The following CSMD1 variants were observed in gnomAD, a reference collection of about 807,000 sequenced individuals.
CSMD1 encodes the protein CUB and Sushi multiple domains 1.
CSMD1 carries 213 observed loss-of-function variants against 417.5 expected under a neutral mutation model. That is an observed-to-expected ratio of 0.51 (90% CI 0.46 to 0.57). CSMD1 has a LOEUF of 0.57. Among genes scored for constraint, CSMD1 ranks in the 20% least tolerant of loss-of-function variants. The pLI, the probability that CSMD1 is intolerant of heterozygous loss-of-function variation, is 0.00. For synonymous variants in CSMD1, 2,862 were observed against 1,736.8 expected (o/e 1.65, Z -16.11); for missense variants, 6,923 against 4,529.7 (o/e 1.53, Z -15.17).
At chr8:3,859,802 T>C (rs1455854219) in intron 5 of CSMD1, among the ~76,000 whole-genome samples, 5 of 152,202 alleles carry the variant, frequency 3.3e-5, no homozygotes, top group Admixed American at 2.6e-4. Context: ...CAATGCATCC[T>C]GATTCCGCAG....
intron 5 of CSMD1, among the ~76,000 whole-genome samples, chr8:3,997,409 G>C (rs932123418): frequency 2.2e-5 from 3 of 136,718 alleles, no homozygotes; most frequent in African/African-American, 5.0e-5. Flanking sequence ...TGTGTGTTAA[G>C]TTATTTTGCC....
intron 3 of CSMD1, among the ~76,000 whole-genome samples, chr8:4,109,200 A>G (rs1801725548): frequency 6.6e-6 from 1 of 152,160 alleles, no homozygotes; most frequent in Non-Finnish European, 1.5e-5. Context: ...GCCAGAAAAA[A>G]ATCCTGAATA....
chr8:4,800,576 A>G (rs1269844307), intron 1 of CSMD1, among the ~76,000 whole-genome samples: 1 of 152,256 alleles, frequency 6.6e-6, no homozygotes, highest in East Asian at 1.9e-4. Context: ...TCAGACCGTC[A>G]GAGGCAGAGC....
chr8:4,932,722 G>T lies in CSMD1; in HGVS notation c.85+61610C>A, dbSNP rs187068774. 1.5e-3 allele frequency among the ~76,000 whole-genome samples: 221 copies of T among 152,256 alleles called. 1 individual carries two copies. The highest frequency in any genetic ancestry group is 4.9e-3 in the African/African-American group (202 of 41,538). On this transcript the variant is annotated intron_variant, in intron 1 of 69. Transcript: ENST00000635120. ...ACACACCATGTGCTGGCACAGAAGT[G>T]ATCAGCCTTAAGTACGATCCTTAAA...
chr8:3,209,852 T>C (rs1797503350), intron 30 of CSMD1, among the ~76,000 whole-genome samples: 1 of 152,182 alleles, frequency 6.6e-6, no homozygotes, highest in South Asian at 2.1e-4. Context: ...TTTGGCTAAT[T>C]AGAATATATA....
chr8:3,729,792 G>A (rs1389578639), intron 6 of CSMD1, among the ~76,000 whole-genome samples: 2 of 152,036 alleles, frequency 1.3e-5, no homozygotes, highest in Non-Finnish European at 2.9e-5. Context: ...ATATCCTGAT[G>A]ACCATGATTT....
intron 5 of CSMD1, among the ~76,000 whole-genome samples, chr8:3,769,183 A>G (rs957018288): frequency 2.0e-5 from 3 of 152,230 alleles, no homozygotes; most frequent in African/African-American, 7.2e-5. Flanking sequence ...ATGATTTTAC[A>G]AGCTTTTAAT....
intron 1 of CSMD1, among the ~76,000 whole-genome samples, chr8:4,962,725 C>T (rs886111296): frequency 1.6e-4 from 25 of 152,228 alleles, no homozygotes; most frequent in African/African-American, 3.1e-4. Context: ...TGGGCAAGAA[C>T]GGCAGGAGAA....
chr8:3,840,308 C>T (rs1344493770), intron 5 of CSMD1, among the ~76,000 whole-genome samples: 1 of 152,086 alleles, frequency 6.6e-6, no homozygotes, highest in Non-Finnish European at 1.5e-5. Context: ...GGCTGAGGTG[C>T]CAACTAGCAT....
At chr8:3,140,801 T>C (rs1304502470) in intron 41 of CSMD1, among the ~76,000 whole-genome samples, 3 of 152,152 alleles carry the variant, frequency 2.0e-5, no homozygotes, top group Non-Finnish European at 2.9e-5. Flanking sequence ...GGAAAGGCCA[T>C]ACAAATTATT....
chr8:4,616,906 A>C (rs1181541058), intron 2 of CSMD1, among the ~76,000 whole-genome samples: 1 of 152,188 alleles, frequency 6.6e-6, no homozygotes, highest in Non-Finnish European at 1.5e-5. Context: ...ATTGGATATT[A>C]ATAATATAAC....
At chr8:4,822,556 G>T (rs774745420) in intron 1 of CSMD1, among the ~76,000 whole-genome samples, 9 of 151,948 alleles carry the variant, frequency 5.9e-5, no homozygotes, top group Non-Finnish European at 1.0e-4. Flanking sequence ...TAAACTATGT[G>T]CAGGAAAAAT....
chr8:3,488,683 G>A (rs1021194958), intron 11 of CSMD1, among the ~76,000 whole-genome samples: 1 of 152,222 alleles, frequency 6.6e-6, no homozygotes, highest in Admixed American at 6.5e-5. Flanking sequence ...ATTATTTAAA[G>A]AATCAAGCAA....
At chr8:3,930,520 G>C (rs945536200) in intron 5 of CSMD1, among the ~76,000 whole-genome samples, 2 of 150,090 alleles carry the variant, frequency 1.3e-5, no homozygotes, top group Non-Finnish European at 3.0e-5. Flanking sequence ...CTCTGCCTTT[G>C]CCTCTTTTCA....
At chr8:3,941,912 C>T (rs768477674) in intron 5 of CSMD1, among the ~76,000 whole-genome samples, 10 of 152,122 alleles carry the variant, frequency 6.6e-5, no homozygotes, top group African/African-American at 2.4e-4. Context: ...GGCCATACAG[C>T]AGGAGGTGAG....
intron 2 of CSMD1, among the ~76,000 whole-genome samples, chr8:4,435,668 G>A (rs1226178536): frequency 6.6e-6 from 1 of 152,176 alleles, no homozygotes; most frequent in African/African-American, 2.4e-5. Context: ...TTCCTGTGAG[G>A]TCACCCGAGT....
At chr8:4,857,837 A>G (rs891961380) in intron 1 of CSMD1, among the ~76,000 whole-genome samples, 4 of 151,838 alleles carry the variant, frequency 2.6e-5, no homozygotes, top group Non-Finnish European at 4.4e-5. Flanking sequence ...CCAGAGGTAC[A>G]AGGAGGAACT....
chr8:4,217,515 G>A (rs965115297), intron 3 of CSMD1, among the ~76,000 whole-genome samples: 18 of 152,276 alleles, frequency 1.2e-4, no homozygotes, highest in Middle Eastern at 3.4e-3. Flanking sequence ...TCAAGGGGAG[G>A]GAGAAGGTGG....
chr8:3,385,912 A>T (rs1810976170), intron 18 of CSMD1, among the ~76,000 whole-genome samples: 1 of 151,932 alleles, frequency 6.6e-6, no homozygotes, highest in South Asian at 2.1e-4. Context: ...TATGAGAGGA[A>T]AAAAAAAGCA....
Sources: gnomAD v4.1 joint callset for allele counts (sites outside exome capture counted in the v4.1 genomes callset) on GRCh38, gnomAD v4.1.1 for gene constraint, MANE v1.5 for transcripts, NCBI Gene and HGNC (gene_info 2026-07-23, HGNC 2026-07-21) for gene names.